Variants in USH2A observed in about 807,000 individuals in gnomAD.
The protein encoded by USH2A is Usher syndrome 2A (autosomal recessive, mild).
In USH2A, 443 loss-of-function variants were observed where a neutral mutation model predicts 538.9. The ratio of observed to expected loss-of-function variants is 0.82; its 90% CI spans 0.76 to 0.89. The LOEUF is 0.89. Among genes scored for constraint, USH2A ranks in the 40% least tolerant of loss-of-function variants. USH2A has a pLI of 0.00. For synonymous variants in USH2A, 2,413 were observed against 2,273.5 expected (o/e 1.06, Z -1.75); for missense variants, 6,633 against 6,324.8 (o/e 1.05, Z -1.65).
chr1:215,692,339 G>A (rs12140032), intron 61 of USH2A, among the ~76,000 whole-genome samples: 29,635 of 151,970 alleles, frequency 0.2, 3,191 homozygotes, highest in South Asian at 0.47. Context: ...GGAGGGGCCC[G>A]TGGAGTCACA....
At chr1:216,001,258 T>G (rs767024937) in intron 32 of USH2A, among the ~76,000 whole-genome samples, 6 of 152,180 alleles carry the variant, frequency 3.9e-5, no homozygotes, top group Non-Finnish European at 7.3e-5. Flanking sequence ...ATCCTTAGTA[T>G]GTAGCACAAT....
chr1:215,775,974 T>A (rs7515592), intron 55 of USH2A, among the ~76,000 whole-genome samples: 3 of 152,010 alleles, frequency 2.0e-5, no homozygotes, highest in Admixed American at 6.6e-5. Flanking sequence ...AAGAGACACA[T>A]AGGCCCTTAT....
chr1:216,329,387 A>C (rs2037803542), intron 4 of USH2A, among the ~76,000 whole-genome samples: 1 of 152,172 alleles, frequency 6.6e-6, no homozygotes, highest in Non-Finnish European at 1.5e-5. Flanking sequence ...TCTTAGAAGA[A>C]AGATGAGAAG....
intron 61 of USH2A, among the ~76,000 whole-genome samples, chr1:215,681,332 AACAC>A (rs10625816): frequency 6.1e-5 from 9 of 148,098 alleles, no homozygotes; most frequent in South Asian, 2.1e-4. Flanking sequence ...CACACACACG[AACAC>A]ACACACACAC....
chr1:216,171,490 G>T (rs2034275182), intron 21 of USH2A, among the ~76,000 whole-genome samples: 1 of 152,016 alleles, frequency 6.6e-6, no homozygotes, highest in Non-Finnish European at 1.5e-5. Context: ...TATTTTGCAT[G>T]TGTAACAGCA....
intron 64 of USH2A, among the ~76,000 whole-genome samples, chr1:215,660,947 A>G (rs2102652850): frequency 6.6e-6 from 1 of 152,302 alleles, no homozygotes; most frequent in South Asian, 2.1e-4. Flanking sequence ...CCACCTGCAG[A>G]TTAGATTGCT....
intron 14 of USH2A, among the ~76,000 whole-genome samples, chr1:216,218,258 A>C (rs967327672): frequency 1.3e-5 from 2 of 152,130 alleles, no homozygotes; most frequent in Non-Finnish European, 1.5e-5. Context: ...TTGGACCCAA[A>C]GTTGCTTGTA....
chr1:216,058,143 G>C, intron 30 of USH2A, among the ~76,000 whole-genome samples: 1 of 127,242 alleles, frequency 7.9e-6, no homozygotes, highest in Admixed American at 7.4e-5. Flanking sequence ...TTGTCCATAA[G>C]GATGACACAG....
chr1:215,793,811 T>A (rs1407364883), intron 50 of USH2A, among the ~76,000 whole-genome samples: 1 of 152,148 alleles, frequency 6.6e-6, no homozygotes, highest in Non-Finnish European at 1.5e-5. Flanking sequence ...ATGGACAAAG[T>A]TTATAATATA....
chr1:216,085,219 G>T, intron 24 of USH2A: 2 of 274,234 alleles, frequency 7.3e-6, no homozygotes, highest in East Asian at 8.8e-5. Context: ...AAGTTAGATT[G>T]GAAGGGAGTG....
intron 3 of USH2A, among the ~76,000 whole-genome samples, chr1:216,370,094 C>A (rs927536953): frequency 6.6e-6 from 1 of 152,056 alleles, no homozygotes; most frequent in East Asian, 1.9e-4. Context: ...CACAATGGCG[C>A]GTGCCTGTAA....
intron 51 of USH2A, among the ~76,000 whole-genome samples, chr1:215,789,198 C>A (rs1179038854): frequency 6.6e-6 from 1 of 152,214 alleles, no homozygotes; most frequent in South Asian, 2.1e-4. Context: ...ATTTAACCAA[C>A]CTTATGTGTT....
chr1:215,932,714 G>A (rs1026358941), intron 38 of USH2A, among the ~76,000 whole-genome samples: 17 of 152,028 alleles, frequency 1.1e-4, no homozygotes, highest in Admixed American at 7.9e-4. Flanking sequence ...AATACATAAA[G>A]TGGAGGATTG....
chr1:216,050,607 T>TCTTTC (rs1553294758), intron 30 of USH2A, among the ~76,000 whole-genome samples: 163 of 59,184 alleles, frequency 2.8e-3, no homozygotes, highest in African/African-American at 7.6e-3. Flanking sequence ...TTTCTTTCTT[T>TCTTTC]TTTTTTTTTT....
At chr1:215,816,875 GTCT>G (rs1307087069) in intron 48 of USH2A, 119 bp downstream of exon 48, 1 of 1,092,584 alleles carries the variant, frequency 9.2e-7, no homozygotes, top group Non-Finnish European at 1.4e-6. Flanking sequence ...TTTCCGTGGA[GTCT>G]TCTTCATAGA....
intron 15 of USH2A, among the ~76,000 whole-genome samples, chr1:216,214,872 G>A (rs2035313538): frequency 1.3e-5 from 2 of 152,006 alleles, no homozygotes; most frequent in Admixed American, 6.6e-5. Context: ...GTGTGTATGT[G>A]TATAATTTTA....
intron 51 of USH2A, among the ~76,000 whole-genome samples, chr1:215,789,387 T>C (rs533548907): frequency 1.5e-3 from 232 of 152,282 alleles, no homozygotes; most frequent in Non-Finnish European, 2.5e-3. Context: ...GGTCTTATAA[T>C]GACAAATTAC....
chr1:215,883,048 C>G (rs984153587), intron 41 of USH2A, among the ~76,000 whole-genome samples: 1 of 152,078 alleles, frequency 6.6e-6, no homozygotes, highest in African/African-American at 2.4e-5. Flanking sequence ...TGATCTGTGC[C>G]TCCACAAACT....
At chr1:215,705,507 T>C (rs903931054) in intron 61 of USH2A, among the ~76,000 whole-genome samples, 2 of 152,208 alleles carry the variant, frequency 1.3e-5, no homozygotes, top group Admixed American at 6.5e-5. Context: ...GATTGTTAGA[T>C]GCATGCAATT....
Sources: gnomAD v4.1 joint callset for allele counts (sites outside exome capture counted in the v4.1 genomes callset) on GRCh38, gnomAD v4.1.1 for gene constraint, MANE v1.5 for transcripts, NCBI Gene and HGNC (gene_info 2026-07-23, HGNC 2026-07-21) for gene names.